CACNA1I: variants seen among roughly 807,000 people sequenced by gnomAD.
CACNA1I encodes the protein voltage-dependent T-type calcium channel subunit alpha-1I.
CACNA1I carries 74 observed loss-of-function variants against 201.6 expected under a neutral mutation model. The observed-to-expected ratio is 0.37, with a 90% CI of 0.30 to 0.45. CACNA1I has a LOEUF of 0.45. Ranked by LOEUF, CACNA1I falls within the 20% of genes least tolerant of loss-of-function variation. The probability of loss-of-function intolerance (pLI) is 1.00; values close to 1 mark genes in which losing one functional copy is unlikely to be tolerated. For missense variants in CACNA1I, 2,346 were observed against 3,138.1 expected (o/e 0.75, Z 6.03); for synonymous variants, 1,431 against 1,345.2 (o/e 1.06, Z -1.40).
intron 35 of CACNA1I, 33 bp downstream of exon 35, chr22:39,682,694 GC>G (rs766594537): frequency 6.3e-7 from 1 of 1,589,870 alleles, no homozygotes; most frequent in Non-Finnish European, 8.6e-7. Flanking sequence ...GCTCCCCACA[GC>G]CCTCATCTTG....
In CACNA1I at chr22:39,661,239, C is replaced by T. The variant is rs768394828; in HGVS notation, c.2830C>T (p.Leu944=). The change falls in exon 16 of 37, where the codon CTG becomes TTG. Residue 944 remains leucine (L), a synonymous_variant. Transcript: ENST00000402142. ...ACTCTCACTGCAGCCGGACCCCATGCTGGTGGCCCTGGGCTCCCGAAAGAG... is the reference window on the plus strand; with the variant it reads ...ACTCTCACTGCAGCCGGACCCCATGTTGGTGGCCCTGGGCTCCCGAAAGAG... ...PRLSLQPDPM[L]VALGSRKSSV... The T allele has an allele frequency of 1.2e-6, 2 of 1,611,350 alleles. No homozygotes were observed. Among genetic ancestry groups the T allele is most frequent in the East Asian group, 2.2e-5 (1 of 44,836 alleles).
chr22:39,626,256 A>G (rs764334591), intron 4 of CACNA1I, among the ~76,000 whole-genome samples: 6 of 152,182 alleles, frequency 3.9e-5, no homozygotes, highest in Non-Finnish European at 5.9e-5. Context: ...ACCCATGTCC[A>G]TCTGGTTAGG....
At position 39,590,758 on chromosome 22, in the gene CACNA1I, A is replaced by T. The variant is rs1601799253; in HGVS notation, c.237-7393A>T. Among the ~76,000 whole-genome samples, 5 of 152,336 alleles carry T rather than the reference A, an allele frequency of 3.3e-5. No individual in the cohort carries two copies. The South Asian group carries it at 1.0e-3, about 32-fold the overall frequency. On this transcript the variant is annotated intron_variant, in intron 1 of 36. Coordinates refer to ENST00000402142, the MANE Select transcript of CACNA1I (RefSeq NM_021096.4). ...TTTCCTTTCCTGTGAAGTGGGGATAACGGTAGTATCAGCCAGTTTGGGAGA... is the reference window on the plus strand; with the variant it reads ...TTTCCTTTCCTGTGAAGTGGGGATATCGGTAGTATCAGCCAGTTTGGGAGA...
In CACNA1I at chr22:39,654,699, A is replaced by G. The variant is rs565307533; in HGVS notation, c.1993-3453A>G. ...CACCAACATGGACAGCAGTCATGGA[A>G]GGCTTCCTGGAGGTGATGGCACTGG... On this transcript the variant is annotated intron_variant, in intron 10 of 36. Coordinates refer to ENST00000402142, the MANE Select transcript of CACNA1I (RefSeq NM_021096.4). Among the ~76,000 whole-genome samples the G allele has an allele frequency of 3.3e-5, 5 of 152,290 alleles. No individual in the cohort carries two copies. The South Asian group carries it at 1.0e-3, about 32-fold the overall frequency.
chr22:39,666,706 C>T lies in CACNA1I; in HGVS notation c.4104+700C>T, dbSNP rs1382240443. Among the ~76,000 whole-genome samples the T allele has an allele frequency of 1.3e-5, 2 of 152,232 alleles. No individual in the cohort carries two copies. The highest frequency in any genetic ancestry group is 6.5e-5 in the Admixed American group (1 of 15,290). ...TTGCCCCAGGGCACACAGGGAGGAGCAGGCTCCAGGCCCTCGTCCCCCACT... is the reference window on the plus strand; with the variant it reads ...TTGCCCCAGGGCACACAGGGAGGAGTAGGCTCCAGGCCCTCGTCCCCCACT... On this transcript the variant is annotated intron_variant, in intron 23 of 36. Transcript: ENST00000402142. The surrounding 1 kb of genome is among the most constrained non-coding windows in gnomAD (Gnocchi z 4.1).
intron 1 of CACNA1I, among the ~76,000 whole-genome samples, chr22:39,580,681 A>G (rs555136000): frequency 1.3e-5 from 2 of 152,192 alleles, no homozygotes; most frequent in African/African-American, 4.8e-5. Context: ...GTCAAATGCC[A>G]GGTTAGAGCT....
chr22:39,630,101 TC>T (rs1158345572), intron 4 of CACNA1I, among the ~76,000 whole-genome samples: 1 of 152,070 alleles, frequency 6.6e-6, no homozygotes, highest in Non-Finnish European at 1.5e-5. Flanking sequence ...CCAGGCTGCC[TC>T]CGACTTGAGG....
At chr22:39,594,166 G>T (rs761341577) in intron 1 of CACNA1I, among the ~76,000 whole-genome samples, 1 of 152,156 alleles carries the variant, frequency 6.6e-6, no homozygotes, top group Non-Finnish European at 1.5e-5. Context: ...CCCAGGAGAG[G>T]CCCCTGATTT....
intron 1 of CACNA1I, among the ~76,000 whole-genome samples, chr22:39,575,333 A>G (rs374295889): frequency 2.6e-5 from 4 of 152,104 alleles, no homozygotes; most frequent in African/African-American, 7.2e-5. Flanking sequence ...GGGTGGTAAT[A>G]CCCACTCCAC....
At chr22:39,606,819 A>G (rs1488409071) in intron 3 of CACNA1I, among the ~76,000 whole-genome samples, 2 of 152,272 alleles carry the variant, frequency 1.3e-5, no homozygotes, top group African/African-American at 4.8e-5. Context: ...GGCATGAGTC[A>G]CTATGTCTGG....
chr22:39,586,776 C>A (rs1430606143), intron 1 of CACNA1I, among the ~76,000 whole-genome samples: 1 of 152,134 alleles, frequency 6.6e-6, no homozygotes, highest in Non-Finnish European at 1.5e-5. Flanking sequence ...CCCAGGGAGG[C>A]TGGAGAAGAA....
At position 39,659,433 on chromosome 22, in the gene CACNA1I, C is replaced by T; in HGVS notation, c.2331C>T (p.Ser777=). The T allele has an allele frequency of 1.3e-6, 2 of 1,546,508 alleles. No homozygotes were observed. The highest frequency in any genetic ancestry group is 1.8e-6 in the Non-Finnish European group (2 of 1,140,248). Residue 777 remains serine (S), a splice_region_variant and synonymous_variant, in exon 13 of 37, where the codon AGC becomes AGT. Transcript: ENST00000402142. This position sits in a 1 kb window ranked among gnomAD's most constrained non-coding sequence, Gnocchi z 4.3. Reference sequence around the variant, plus strand: ...TGAGCCTCTTCCATCCTTTCCCCAGCATCCTTGGGATGCATATTTTTGGCT... The same window carrying T: ...TGAGCCTCTTCCATCCTTTCCCCAGTATCCTTGGGATGCATATTTTTGGCT... The part of the protein sequence containing the change: ...MLLMLFIFIF[S]ILGMHIFGCK...
At chr22:39,603,806 G>T (rs1348308864) in intron 3 of CACNA1I, among the ~76,000 whole-genome samples, 1 of 152,210 alleles carries the variant, frequency 6.6e-6, no homozygotes, top group African/African-American at 2.4e-5. Flanking sequence ...ATCGGAGAAA[G>T]AATGTAGGAA....
At position 39,688,000 on chromosome 22, in the gene CACNA1I, A is replaced by C. The variant is rs1935936882; in HGVS notation, c.*1595A>C. On this transcript the variant is annotated 3_prime_UTR_variant, in exon 37 of 37. Transcript: ENST00000402142. ...CCGAGGGCTTCAGGGGGGCCTGCCA[A>C]GGGGGGGCCTTGTTCTTGTTCCCAA... is the stretch of plus-strand genomic sequence containing the variant. The C allele has an allele frequency of 6.6e-6, 1 of 152,096 alleles. No individual in the cohort carries two copies. Among genetic ancestry groups the C allele is most frequent in the Non-Finnish European group, 1.5e-5 (1 of 68,082 alleles). The allele number at this position is 152,096 out of a possible 1,614,324, so 9.4% of individuals were successfully genotyped here.
intron 1 of CACNA1I, among the ~76,000 whole-genome samples, chr22:39,591,158 C>CTTT (rs132581): frequency 1.5e-5 from 2 of 129,508 alleles, no homozygotes; most frequent in South Asian, 2.6e-4. Flanking sequence ...GGCCTGGATT[C>CTTT]TTTTTTTTTT....
chr22:39,596,180 G>A (rs1265231532), intron 1 of CACNA1I, among the ~76,000 whole-genome samples: 3 of 19,002 alleles, frequency 1.6e-4, no homozygotes, highest in Non-Finnish European at 2.2e-4. Context: ...GGGGGGCAGG[G>A]CGGAGGGAGA....
chr22:39,590,253 G>T (rs1389405311), intron 1 of CACNA1I, among the ~76,000 whole-genome samples: 1 of 152,238 alleles, frequency 6.6e-6, no homozygotes, highest in Non-Finnish European at 1.5e-5. Flanking sequence ...GGTGGCTAGG[G>T]TGTGGTGTGG....
In CACNA1I at chr22:39,684,824, G is replaced by A. The variant is rs1218391125; in HGVS notation, c.6027+326G>A. On this transcript the variant is annotated intron_variant, in intron 36 of 36. Transcript: ENST00000402142. This position sits in a 1 kb window ranked among gnomAD's most constrained non-coding sequence, Gnocchi z 4.6. ...GTACTGGAGGTTTTGCAGGGTGGCG[G>A]GGTGCTGGCAGTGGGGAGGACACCC... 3.6e-6 allele frequency: 2 copies of A among 557,716 alleles called. No individual in the cohort carries two copies. The highest frequency in any genetic ancestry group is 2.4e-5 in the South Asian group (1 of 41,216). 34.5% of individuals were successfully genotyped at this position (557,716 alleles called of 1,614,324 possible). A position where few individuals can be genotyped will look rare whatever the true frequency, so the allele number is the denominator to read the frequency against.
chr22:39,640,079 A>T (rs748447294), intron 5 of CACNA1I, among the ~76,000 whole-genome samples: 2 of 152,134 alleles, frequency 1.3e-5, no homozygotes, highest in African/African-American at 2.4e-5. Context: ...TGTTTTATAG[A>T]TGAGGAAATC....
Sources: allele counts gnomAD v4.1 joint callset (sites outside exome capture counted in the v4.1 genomes callset), GRCh38; gene constraint gnomAD v4.1.1; non-coding constraint Gnocchi (gnomAD v3.1); transcripts MANE v1.5; gene names NCBI Gene and HGNC (gene_info 2026-07-23, HGNC 2026-07-21).